Variants in CIB1 observed in about 807,000 individuals in gnomAD.
The protein encoded by CIB1 is calcium and integrin-binding protein 1.
Under a neutral mutation model 25.0 loss-of-function variants are expected in CIB1, and 19 were observed. The ratio of observed to expected loss-of-function variants is 0.76; its 90% CI spans 0.53 to 1.12. The LOEUF (loss-of-function observed/expected upper bound fraction) is 1.12, where lower values mean the gene tolerates loss of function less well. CIB1 is among the 50% of genes most tolerant of loss of function. The probability of loss-of-function intolerance (pLI) is 0.00; values close to 1 mark genes in which losing one functional copy is unlikely to be tolerated. For missense variants in CIB1, 236 were observed against 242.6 expected, an observed-to-expected ratio of 0.97 and a Z score of 0.18; for synonymous variants, 104 against 98.5, an observed-to-expected ratio of 1.06 and a Z score of -0.33.
At chr15:90,241,417 T>G in the CIB1 span, 1 of 1,613,606 alleles carries the variant, frequency 6.2e-7, no homozygotes, top group Non-Finnish European at 8.5e-7. Flanking sequence ...GTGCTGCTGG[T>G]GCCTGAGCCT....
the CIB1 span, among the ~76,000 whole-genome samples, chr15:90,254,834 A>G: frequency 0.21 from 32,030 of 152,066 alleles, 3,933 homozygotes; most frequent in South Asian, 0.33. Context: ...CGACAGAGGG[A>G]GACCCTGTCT....
the CIB1 span, chr15:90,258,173 T>C: frequency 5.4e-3 from 8,694 of 1,614,222 alleles, 25 homozygotes; most frequent in Non-Finnish European, 6.6e-3. Flanking sequence ...ACCGAACCTG[T>C]TTTCCCCAGT....
the CIB1 span, chr15:90,244,372 ATTT>A: frequency 5.9e-5 from 9 of 151,822 alleles, no homozygotes; most frequent in African/African-American, 2.2e-4. Context: ...AATGTGGGAA[ATTT>A]TTTTTTATCT....
the CIB1 span, chr15:90,243,298 T>C: frequency 6.6e-6 from 1 of 152,254 alleles, no homozygotes. Context: ...CAACACCAAG[T>C]TGAATGCTCT....
chr15:90,232,161 G>T, intron 3 of CIB1, 58 bp downstream of exon 3: 1 of 1,361,072 alleles, frequency 7.3e-7, no homozygotes, highest in South Asian at 1.3e-5. Flanking sequence ...GATGGAGTTA[G>T]GGGGTCTAGC....
At chr15:90,264,933 C>T in the CIB1 span, 11 of 1,536,038 alleles carry the variant, frequency 7.2e-6, no homozygotes, top group Non-Finnish European at 9.6e-6. Flanking sequence ...CTGCAGCGTT[C>T]CAGAGCACTC....
In CIB1 at chr15:90,230,494, A is replaced by G. The variant is rs771152399; in HGVS notation, c.566T>C (p.Ile189Thr). 14 of 1,551,690 alleles carry G rather than the reference A, an allele frequency of 9.0e-6. No homozygotes were observed. Among genetic ancestry groups the G allele is most frequent in the South Asian group, 1.2e-5 (1 of 84,056 alleles). ...RSPDFASSFK[I>T]VL ...ACGCTGGGGCTGCTGTCACAGGACA[A>G]TCTTAAAGGAGCTGAACAAGAGAAA... Residue 189 changes from isoleucine to threonine, a missense_variant, in exon 7 of 7, where the codon ATT (isoleucine) becomes ACT (threonine). Coordinates refer to ENST00000328649, the MANE Select transcript of CIB1 (RefSeq NM_006384.4).
chr15:90,256,372 G>A, the CIB1 span: 3 of 1,584,882 alleles, frequency 1.9e-6, no homozygotes, highest in Non-Finnish European at 2.6e-6. Flanking sequence ...CAAAAGCCAG[G>A]GAGGAAGCTG....
chr15:90,250,648 T>A, the CIB1 span: 10 of 1,613,874 alleles, frequency 6.2e-6, no homozygotes, highest in Non-Finnish European at 8.5e-6. Context: ...CGAGTACCTG[T>A]AGGACCATGG....
the CIB1 span, chr15:90,253,308 C>T: frequency 6.2e-7 from 1 of 1,613,804 alleles, no homozygotes; most frequent in Non-Finnish European, 8.5e-7. Flanking sequence ...AGAGTGGACT[C>T]TGTACTGGAC....
the CIB1 span, chr15:90,250,850 T>C: frequency 1.2e-6 from 2 of 1,614,062 alleles, no homozygotes; most frequent in South Asian, 1.1e-5. Flanking sequence ...CACAGGCGAC[T>C]TAGAAGCTGG....
At chr15:90,257,746 T>G in the CIB1 span, 621 of 1,606,780 alleles carry the variant, frequency 3.9e-4, 2 homozygotes, top group African/African-American at 7.3e-3. Context: ...TGTTTTCTCC[T>G]GCTTCCTCTG....
chr15:90,257,900 A>T, the CIB1 span: 1 of 946,104 alleles, frequency 1.1e-6, no homozygotes, highest in Non-Finnish European at 1.6e-6. Flanking sequence ...TCACCCTGAT[A>T]ACTAGTCCCT....
chr15:90,241,205 T>C, the CIB1 span: 1 of 1,614,148 alleles, frequency 6.2e-7, no homozygotes, highest in South Asian at 1.1e-5. Flanking sequence ...CTCAGCTGAA[T>C]GTGGAGCGTG....
At chr15:90,244,497 T>C in the CIB1 span, 9,864 of 152,276 alleles carry the variant, frequency 0.065, 843 homozygotes, top group East Asian at 0.38. Flanking sequence ...ATTTTCCTTT[T>C]AGCTCCCTTG....
At chr15:90,262,665 AAG>A in the CIB1 span, 3 of 1,484,990 alleles carry the variant, frequency 2.0e-6, no homozygotes, top group Non-Finnish European at 2.7e-6. Context: ...AACTGGGAGA[AAG>A]AGGTGCCAGG....
At chr15:90,236,483 A>G (rs1199895805), upstream of CIB1, among the ~76,000 whole-genome samples, 2 of 152,160 alleles carry the variant, frequency 1.3e-5, no homozygotes, top group African/African-American at 4.8e-5. Flanking sequence ...TTCATTTTGT[A>G]CACTGACCAG....
At position 90,231,477 on chromosome 15, in the gene CIB1, C is replaced by A. The variant is rs770042283; in HGVS notation, c.226G>T (p.Val76Phe). 1 of 1,614,048 alleles carries A rather than the reference C, an allele frequency of 6.2e-7. No individual in the cohort carries two copies. The highest frequency in any genetic ancestry group is 8.5e-7 in the Non-Finnish European group (1 of 1,180,028). ...ANPFKERICR[V>F]FSTSPAKDSL... is the part of the protein sequence containing the mutation. ...TCTTTGGCTGGGGATGTGGAGAAGA[C>A]CCTGCAGATTCGCTCCTTGAAGGGG... The change falls in exon 4 of 7, where the codon GTC becomes TTC. Residue 76 changes from valine (V) to phenylalanine (F), a missense_variant. Physicochemically the swap from Val to Phe is conservative, Grantham distance 50 (BLOSUM62 -1). Transcript: ENST00000328649.
At chr15:90,237,271 TTC>T, upstream of CIB1, among the ~76,000 whole-genome samples, 1 of 144,776 alleles carries the variant, frequency 6.9e-6, no homozygotes, top group African/African-American at 2.6e-5. Context: ...TATTGTAATT[TTC>T]TTTTTTTCCC....
Sources: allele counts gnomAD v4.1 joint callset (sites outside exome capture counted in the v4.1 genomes callset), GRCh38; gene constraint gnomAD v4.1.1; transcripts MANE v1.5; gene names NCBI Gene and HGNC (gene_info 2026-07-23, HGNC 2026-07-21).